Variants in CLNK observed in about 807,000 individuals in gnomAD.
The protein encoded by CLNK is cytokine-dependent hematopoietic cell linker.
Under a neutral mutation model 68.6 loss-of-function variants are expected in CLNK, and 74 were observed. The observed-to-expected ratio is 1.08, with a 90% confidence interval of 0.89 to 1.31. The LOEUF (loss-of-function observed/expected upper bound fraction) is 1.31. Ranked by LOEUF, CLNK falls within the 50% of genes most tolerant of loss-of-function variation. The pLI is 0.00. For missense variants in CLNK, 553 were observed against 515.3 expected, an observed-to-expected ratio of 1.07 and a Z score of -0.71; for synonymous variants, 198 against 172.2, an observed-to-expected ratio of 1.15 and a Z score of -1.17.
chr4:10,494,662 T>C (rs1716733806), intron 18 of CLNK, among the ~76,000 whole-genome samples: 1 of 152,204 alleles, frequency 6.6e-6, no homozygotes, highest in South Asian at 2.1e-4. Flanking sequence ...TTTCATCATA[T>C]TGACCAGGTT....
At chr4:10,526,030 A>AT (rs778755466) in intron 13 of CLNK, 108 bp from the exon 14 acceptor site, 1 of 653,132 alleles carries the variant, frequency 1.5e-6, no homozygotes, top group Non-Finnish European at 2.7e-6. Flanking sequence ...ATCTCTGATT[A>AT]TTAGAAGGGG....
At chr4:10,663,177 C>T (rs550142990) in intron 2 of CLNK, among the ~76,000 whole-genome samples, 5 of 152,306 alleles carry the variant, frequency 3.3e-5, no homozygotes, top group Non-Finnish European at 5.9e-5. Flanking sequence ...CTAGCCCCAG[C>T]GGTGTAATGG....
chr4:10,604,287 C>T (rs1721706079), intron 2 of CLNK, among the ~76,000 whole-genome samples: 1 of 152,172 alleles, frequency 6.6e-6, no homozygotes, highest in South Asian at 2.1e-4. Context: ...GTGGCTTACT[C>T]AATTACAAAG....
At chr4:10,523,634 C>G (rs1718177029) in intron 14 of CLNK, among the ~76,000 whole-genome samples, 1 of 152,014 alleles carries the variant, frequency 6.6e-6, no homozygotes, top group African/African-American at 2.4e-5. Context: ...GAAGTGAAAC[C>G]ACATCAAATA....
chr4:10,511,431 T>C (rs1717579636), intron 16 of CLNK, among the ~76,000 whole-genome samples: 1 of 152,242 alleles, frequency 6.6e-6, no homozygotes, highest in South Asian at 2.1e-4. Context: ...ACATTCACAT[T>C]GCTTTACAGC....
chr4:10,521,732 T>A (rs1352843341), intron 14 of CLNK, among the ~76,000 whole-genome samples: 2 of 152,234 alleles, frequency 1.3e-5, no homozygotes, highest in Non-Finnish European at 2.9e-5. Flanking sequence ...CCAGTCAGAC[T>A]GCTACTGAAA....
At chr4:10,719,977 G>A in the CLNK span, among the ~76,000 whole-genome samples, 4 of 151,890 alleles carry the variant, frequency 2.6e-5, no homozygotes, top group Non-Finnish European at 4.4e-5. Flanking sequence ...GGATGTCTCC[G>A]TGGAAATTGA....
At position 10,584,952 on chromosome 4, in the gene CLNK, T is replaced by G; in HGVS notation, c.87A>C (p.Ser29=). ...CTGTGGCACTATTGATGCGAGGCCA[T>G]GACCTAGGGCAGAAAAGAGAACCAA... The part of the protein sequence containing the change: ...FQNFSLPKNR[S]WPRINSATGQ... The change falls in exon 4 of 19, where the codon TCA becomes TCC. Residue 29 remains serine (S), a synonymous_variant. Coordinates refer to ENST00000226951, the MANE Select transcript of CLNK (RefSeq NM_052964.4). The G allele has an allele frequency of 6.2e-7, 1 of 1,613,696 alleles. No homozygotes were observed. Among genetic ancestry groups the G allele is most frequent in the Non-Finnish European group, 8.5e-7 (1 of 1,179,796 alleles).
At chr4:10,599,294 C>T (rs577640932) in intron 2 of CLNK, among the ~76,000 whole-genome samples, 2 of 152,110 alleles carry the variant, frequency 1.3e-5, no homozygotes, top group African/African-American at 4.8e-5. Flanking sequence ...TGACTTGAGG[C>T]TCTCTCTTCA....
At chr4:10,563,566 A>G (rs1719978707) in intron 7 of CLNK, among the ~76,000 whole-genome samples, 1 of 152,242 alleles carries the variant, frequency 6.6e-6, no homozygotes, top group African/African-American at 2.4e-5. Flanking sequence ...TAAAGCAGGT[A>G]TATACTAAAC....
Position 10,655,637 on chromosome 4 carries a change from ATTTTTTTTTT to A in CLNK, c.11+12212_11+12221del, listed in dbSNP as rs869196104. 1.3e-4 allele frequency among the ~76,000 whole-genome samples: 10 copies of A among 74,778 alleles called. 1 individual carries two copies. The East Asian group carries it at 2.3e-3, about 17-fold the overall frequency. The allele number at this position is 74,778 out of a possible 152,430, so 49.1% of individuals were successfully genotyped here. A position where few individuals can be genotyped will look rare whatever the true frequency, so the allele number is the denominator to read the frequency against. ...GATGAGTGGAGGAGGGATAGATAGC[ATTTTTTTTTT>A]TTTTTTTTTTTTTTTTTTTTGAGAC... On this transcript the variant is annotated intron_variant, in intron 2 of 18. Coordinates refer to ENST00000226951, the MANE Select transcript of CLNK (RefSeq NM_052964.4).
At chr4:10,715,467 A>C in the CLNK span, among the ~76,000 whole-genome samples, 1 of 152,214 alleles carries the variant, frequency 6.6e-6, no homozygotes, top group Admixed American at 6.5e-5. Flanking sequence ...TCTTTGCCAC[A>C]ATGTTGCAAA....
At chr4:10,613,125 T>G (rs1722095972) in intron 2 of CLNK, among the ~76,000 whole-genome samples, 1 of 151,976 alleles carries the variant, frequency 6.6e-6, no homozygotes, top group African/African-American at 2.4e-5. Flanking sequence ...AGGATCTCTA[T>G]CCATGGAACA....
At chr4:10,675,205 C>T (rs1031060098) in intron 1 of CLNK, among the ~76,000 whole-genome samples, 2 of 152,044 alleles carry the variant, frequency 1.3e-5, no homozygotes, top group African/African-American at 4.8e-5. Flanking sequence ...TTTTAGAAAA[C>T]TAAAATAAAG....
intron 3 of CLNK, among the ~76,000 whole-genome samples, chr4:10,596,816 T>C (rs1721404408): frequency 6.6e-6 from 1 of 152,228 alleles, no homozygotes. Flanking sequence ...CTTCTCTGTC[T>C]GTCTTTTTTC....
chr4:10,665,996 G>A (rs1450416764), intron 2 of CLNK, among the ~76,000 whole-genome samples: 1 of 152,174 alleles, frequency 6.6e-6, no homozygotes, highest in Non-Finnish European at 1.5e-5. Context: ...CTTTATATCA[G>A]ACAACCAGAG....
At chr4:10,643,953 T>G (rs1018917516) in intron 2 of CLNK, among the ~76,000 whole-genome samples, 2 of 152,242 alleles carry the variant, frequency 1.3e-5, no homozygotes, top group African/African-American at 2.4e-5. Context: ...GGCCTGAAAC[T>G]GATTTTTGAA....
intron 14 of CLNK, chr4:10,523,957 CA>C: frequency 2.6e-6 from 1 of 388,310 alleles, no homozygotes; most frequent in Non-Finnish European, 5.2e-6. Context: ...CCCGGGAGGT[CA>C]AGGCTGCATT....
chr4:10,534,564 A>G (rs1577112185), intron 11 of CLNK, among the ~76,000 whole-genome samples: 1 of 152,114 alleles, frequency 6.6e-6, no homozygotes, highest in African/African-American at 2.4e-5. Flanking sequence ...TAGTTTTCCC[A>G]CCTGTAAAAC....
Sources: gnomAD v4.1 joint callset for allele counts (sites outside exome capture counted in the v4.1 genomes callset) on GRCh38, gnomAD v4.1.1 for gene constraint, MANE v1.5 for transcripts, NCBI Gene and HGNC (gene_info 2026-07-23, HGNC 2026-07-21) for gene names.